UST: variants seen among roughly 807,000 people sequenced by gnomAD.
UST encodes chondroitin sulfate 2-O-sulfotransferase.
UST carries 21 observed loss-of-function variants against 45.6 expected under a neutral mutation model. The observed-to-expected ratio is 0.46, with a 90% CI of 0.33 to 0.66. The LOEUF is 0.66. Ranked by LOEUF, UST falls within the 30% of genes least tolerant of loss-of-function variation. The pLI is 0.02. For synonymous variants in UST, 215 were observed against 200.6 expected (o/e 1.07, Z -0.61); for missense variants, 463 against 512.4 (o/e 0.90, Z 0.93).
At chr6:148,913,182 C>T (rs557066059) in intron 2 of UST, among the ~76,000 whole-genome samples, 3 of 152,214 alleles carry the variant, frequency 2.0e-5, no homozygotes, top group African/African-American at 7.2e-5. Context: ...GGAAATTGCC[C>T]AACTGGAAAC....
At chr6:148,918,943 C>G (rs975837723) in intron 2 of UST, among the ~76,000 whole-genome samples, 2 of 152,158 alleles carry the variant, frequency 1.3e-5, no homozygotes, top group African/African-American at 4.8e-5. Flanking sequence ...CTTTAATGAA[C>G]ATGAATAGAG....
intron 3 of UST, among the ~76,000 whole-genome samples, chr6:148,944,272 G>A (rs1396385449): frequency 2.6e-5 from 4 of 152,142 alleles, no homozygotes; most frequent in African/African-American, 9.7e-5. Context: ...TTCAGGTGCA[G>A]TATGACTTAA....
chr6:148,843,335 A>G (rs1777922387), intron 1 of UST, among the ~76,000 whole-genome samples: 1 of 152,242 alleles, frequency 6.6e-6, no homozygotes. Context: ...ATTTTAAAAT[A>G]TAGATCTCTT....
At chr6:148,843,155 T>C (rs1777919927) in intron 1 of UST, among the ~76,000 whole-genome samples, 3 of 152,200 alleles carry the variant, frequency 2.0e-5, no homozygotes, top group Admixed American at 2.0e-4. Flanking sequence ...GGGAAGCAGA[T>C]GGTAAGTGAG....
intron 1 of UST, among the ~76,000 whole-genome samples, chr6:148,789,366 A>G (rs942711803): frequency 1.3e-5 from 2 of 151,652 alleles, no homozygotes; most frequent in African/African-American, 4.8e-5. Context: ...AGCTGCATCC[A>G]ATGGAAGCAT....
At chr6:149,013,552 G>A (rs1775850811) in intron 5 of UST, among the ~76,000 whole-genome samples, 1 of 151,912 alleles carries the variant, frequency 6.6e-6, no homozygotes, top group African/African-American at 2.4e-5. Flanking sequence ...AAAAAAAGTT[G>A]GTACCAGGTA....
At chr6:148,905,175 G>A (rs149508590) in intron 2 of UST, among the ~76,000 whole-genome samples, 124 of 152,252 alleles carry the variant, frequency 8.1e-4, no homozygotes, top group African/African-American at 2.9e-3. Context: ...TGCTGGCTTC[G>A]CAATGATGGG....
intron 1 of UST, among the ~76,000 whole-genome samples, chr6:148,789,199 A>G (rs1382006858): frequency 6.6e-6 from 1 of 152,124 alleles, no homozygotes; most frequent in Non-Finnish European, 1.5e-5. Flanking sequence ...AGAAGGCTTA[A>G]TTATTTCTTC....
intron 1 of UST, among the ~76,000 whole-genome samples, chr6:148,775,690 C>T (rs1437642260): frequency 4.0e-5 from 6 of 151,896 alleles, no homozygotes; most frequent in African/African-American, 7.3e-5. Flanking sequence ...TGCAGTGGCA[C>T]GATCTTGGCT....
intron 1 of UST, among the ~76,000 whole-genome samples, chr6:148,784,045 T>A (rs997262784): frequency 2.6e-5 from 4 of 152,160 alleles, no homozygotes; most frequent in African/African-American, 7.2e-5. Context: ...CCTCTGTAAT[T>A]TACGGCATAT....
intron 1 of UST, among the ~76,000 whole-genome samples, chr6:148,839,143 A>AGCCTCTTGCACTC (rs71007922): frequency 0.01 from 1,571 of 152,312 alleles, 16 homozygotes; most frequent in Admixed American, 0.015. Flanking sequence ...GTTTTGGATT[A>AGCCTCTTGCACTC]GCCTCTTGCA....
intron 1 of UST, among the ~76,000 whole-genome samples, chr6:148,773,935 C>G (rs911186307): frequency 9.2e-5 from 14 of 152,168 alleles, no homozygotes; most frequent in African/African-American, 3.4e-4. Flanking sequence ...TGTCTTGCGG[C>G]CCAATTCCCA....
chr6:148,916,220 C>T (rs1459177632), intron 2 of UST, among the ~76,000 whole-genome samples: 1 of 152,132 alleles, frequency 6.6e-6, no homozygotes, highest in Non-Finnish European at 1.5e-5. Flanking sequence ...GGCGTTATTA[C>T]TAGCCATTTT....
At chr6:148,831,822 G>T (rs956616815) in intron 1 of UST, among the ~76,000 whole-genome samples, 2 of 152,044 alleles carry the variant, frequency 1.3e-5, no homozygotes, top group African/African-American at 4.8e-5. Context: ...AAAGTAGGTG[G>T]GGTGGAACTG....
chr6:148,747,422 G>A lies in UST; in HGVS notation c.-9G>A, dbSNP rs1365730913. On this transcript the variant is annotated 5_prime_UTR_variant, in exon 1 of 8. Transcript: ENST00000367463. ...CACGGGCAGGCTGTGGGAGGCAGCG[G>A]AGCAGGCGATGAAGAAGAAGCAGCA... 1 of 1,403,728 alleles carries A rather than the reference G, an allele frequency of 7.1e-7. No homozygotes were observed. Among genetic ancestry groups the A allele is most frequent in the South Asian group, 1.6e-5 (1 of 62,304 alleles). The allele number at this position is 1,403,728 out of a possible 1,614,324, so 87.0% of individuals were successfully genotyped here.
intron 1 of UST, among the ~76,000 whole-genome samples, chr6:148,822,071 G>GT (rs958790239): frequency 3.9e-5 from 6 of 151,950 alleles, no homozygotes; most frequent in South Asian, 2.1e-4. Context: ...AGGCTGTCTG[G>GT]TTTTTTTTAG....
intron 5 of UST, among the ~76,000 whole-genome samples, chr6:149,001,845 G>A (rs1781555655): frequency 6.6e-6 from 1 of 152,106 alleles, no homozygotes; most frequent in East Asian, 1.9e-4. Context: ...TTACAATTAG[G>A]CAACTTTAAA....
chr6:148,977,356 T>G (rs539635999), intron 5 of UST, among the ~76,000 whole-genome samples: 1 of 152,094 alleles, frequency 6.6e-6, no homozygotes, highest in Non-Finnish European at 1.5e-5. Flanking sequence ...TATATATACA[T>G]TTTATTATCT....
chr6:148,915,363 C>A (rs1307879734), intron 2 of UST, among the ~76,000 whole-genome samples: 1 of 152,128 alleles, frequency 6.6e-6, no homozygotes, highest in Non-Finnish European at 1.5e-5. Context: ...AAGATTGCCT[C>A]ATGTTCCAAA....
Sources: allele counts gnomAD v4.1 joint callset (sites outside exome capture counted in the v4.1 genomes callset), GRCh38; gene constraint gnomAD v4.1.1; transcripts MANE v1.5; gene names NCBI Gene and HGNC (gene_info 2026-07-23, HGNC 2026-07-21).